The following ATG7 variants were observed in gnomAD, a reference collection of about 807,000 sequenced individuals.
ATG7 encodes the protein ubiquitin-like modifier-activating enzyme ATG7.
A neutral mutation model predicts 82.4 loss-of-function variants in ATG7; 70 were observed. That is an observed-to-expected ratio of 0.85 (90% confidence interval 0.70 to 1.04). The LOEUF is 1.04. ATG7 is among the 50% of genes least tolerant of loss of function. The pLI is 0.00. For synonymous variants in ATG7, 287 were observed against 313.0 expected (o/e 0.92, Z 0.88); for missense variants, 792 against 864.3 (o/e 0.92, Z 1.05).
At chr3:11,381,866 A>G (rs2077927685) in intron 19 of ATG7, among the ~76,000 whole-genome samples, 1 of 152,320 alleles carries the variant, frequency 6.6e-6, no homozygotes, top group East Asian at 1.9e-4. Flanking sequence ...TTACTTGGCT[A>G]CCTTCTTTAT....
downstream of ATG7, chr3:11,557,704 A>G (rs117140049): frequency 6.5e-6 from 1 of 152,940 alleles, no homozygotes; most frequent in East Asian, 1.9e-4. Context: ...TGTCTATATA[A>G]TTAATAGAAA....
chr3:11,518,083 A>G (rs540823185), intron 20 of ATG7, among the ~76,000 whole-genome samples: 2 of 152,272 alleles, frequency 1.3e-5, no homozygotes, highest in East Asian at 3.9e-4. Flanking sequence ...GGGAGAGAGG[A>G]AGGGGACCAA....
intron 20 of ATG7, among the ~76,000 whole-genome samples, chr3:11,457,482 A>C (rs1319461722): frequency 1.3e-5 from 2 of 152,188 alleles, no homozygotes; most frequent in African/African-American, 4.8e-5. Flanking sequence ...TTGATCTTTC[A>C]TGAGCCATTA....
intron 20 of ATG7, among the ~76,000 whole-genome samples, chr3:11,484,836 T>A (rs2089444155): frequency 6.6e-6 from 1 of 152,156 alleles, no homozygotes; most frequent in South Asian, 2.1e-4. Flanking sequence ...GAATGATGAT[T>A]TCCAATTTCA....
At chr3:11,567,689 G>A in the ATG7 span, among the ~76,000 whole-genome samples, 14 of 152,292 alleles carry the variant, frequency 9.2e-5, 1 homozygote, top group South Asian at 2.7e-3. Flanking sequence ...AAGACCTTCC[G>A]CGGAACGGAC....
Position 11,433,289 on chromosome 3 carries a change from T to TAAAA in ATG7, c.2079+6386_2079+6389dup, listed in dbSNP as rs56859088. Among the ~76,000 whole-genome samples the TAAAA allele has an allele frequency of 8.5e-3, 715 of 83,802 alleles. 13 individuals carry two copies. The highest frequency in any genetic ancestry group is 0.012 in the Non-Finnish European group (547 of 43,788). The allele number at this position is 83,802 out of a possible 152,430, so 55.0% of individuals were successfully genotyped here. ...ACAGAGCAAGACCCTGTCTCTTATT[T>TAAAA]AAAAAAAAAAAAAAAAAAAAAAAAA... On this transcript the variant is annotated intron_variant, in intron 20 of 20. Coordinates refer to ENST00000693202, the MANE Select transcript of ATG7 (RefSeq NM_001349232.2).
chr3:11,439,702 AAG>A (rs1483815136), intron 20 of ATG7, among the ~76,000 whole-genome samples: 1 of 152,120 alleles, frequency 6.6e-6, no homozygotes, highest in African/African-American at 2.4e-5. Flanking sequence ...AGCTCCAGGG[AAG>A]AGTTAGGTTT....
intron 20 of ATG7, among the ~76,000 whole-genome samples, chr3:11,515,516 C>T (rs185538780): frequency 6.6e-6 from 1 of 152,110 alleles, no homozygotes; most frequent in Non-Finnish European, 1.5e-5. Flanking sequence ...GTTGGCCAGG[C>T]TGGTCTTGAA....
intron 20 of ATG7, among the ~76,000 whole-genome samples, chr3:11,431,418 C>T (rs895040233): frequency 6.6e-6 from 1 of 152,202 alleles, no homozygotes; most frequent in African/African-American, 2.4e-5. Context: ...AACACACACA[C>T]ACCTTTTTAA....
the ATG7 span, among the ~76,000 whole-genome samples, chr3:11,573,220 AAGAC>A: frequency 0.013 from 1,926 of 143,916 alleles, 73 homozygotes; most frequent in South Asian, 0.021. Flanking sequence ...GAGAGAGAGA[AAGAC>A]AGACAGAAAG....
At chr3:11,276,391 T>G (rs1024720053) in intron 1 of ATG7, among the ~76,000 whole-genome samples, 2 of 152,204 alleles carry the variant, frequency 1.3e-5, no homozygotes, top group Non-Finnish European at 2.9e-5. Context: ...TCTTTTCTGT[T>G]TCATCAACCC....
At chr3:11,369,751 C>T (rs752529817) in intron 18 of ATG7, among the ~76,000 whole-genome samples, 1 of 151,202 alleles carries the variant, frequency 6.6e-6, no homozygotes, top group South Asian at 2.1e-4. Context: ...GATTGCATCT[C>T]TTGTCCCAGG....
chr3:11,557,577 T>TA lies in ATG7; in HGVS notation c.*2735dup, dbSNP rs1183710532. On this transcript the variant is annotated 3_prime_UTR_variant, in exon 21 of 21. Transcript: ENST00000693202. ...CCGCACTACTTGTGAGTAAAGTGAA[T>TA]ATCAAATACCAATCTTAGAGTACAA... The TA allele has an allele frequency of 1.3e-5, 2 of 152,606 alleles. No individual in the cohort carries two copies. The highest frequency in any genetic ancestry group is 6.5e-5 in the Admixed American group (1 of 15,284). The allele number at this position is 152,606 out of a possible 1,614,324, so 9.5% of individuals were successfully genotyped here. A position where few individuals can be genotyped will look rare whatever the true frequency, so the allele number is the denominator to read the frequency against.
intron 19 of ATG7, among the ~76,000 whole-genome samples, chr3:11,388,643 T>C (rs1176119408): frequency 6.6e-6 from 1 of 152,068 alleles, no homozygotes; most frequent in Non-Finnish European, 1.5e-5. Flanking sequence ...TTAGCTAGGA[T>C]GGTCTGGATC....
the ATG7 span, among the ~76,000 whole-genome samples, chr3:11,567,658 C>A: frequency 6.6e-6 from 1 of 152,166 alleles, no homozygotes; most frequent in Non-Finnish European, 1.5e-5. Context: ...GGGTTATGAT[C>A]CCAGACACCG....
chr3:11,315,367 T>C lies in ATG7; in HGVS notation c.552T>C (p.Tyr184=), dbSNP rs760223902. 2 of 1,606,836 alleles carry C rather than the reference T, an allele frequency of 1.2e-6. No homozygotes were observed. Among genetic ancestry groups the C allele is most frequent in the Admixed American group, 1.7e-5 (1 of 58,598 alleles). The change falls in exon 9 of 21, where the codon TAT becomes TAC. Residue 184 remains tyrosine, a synonymous_variant. Coordinates refer to ENST00000693202, the MANE Select transcript of ATG7 (RefSeq NM_001349232.2). ...AGATTGAAGCACTAGAGTGTGCATATGATAATCTTTGTCAAACAGAAGGAG... is the reference window on the plus strand; with the variant it reads ...AGATTGAAGCACTAGAGTGTGCATACGATAATCTTTGTCAAACAGAAGGAG... The part of the protein sequence containing the change: ...LKQIEALECA[Y]DNLCQTEGVT...
chr3:11,330,585 A>G (rs1433480564), intron 9 of ATG7, among the ~76,000 whole-genome samples: 1 of 152,176 alleles, frequency 6.6e-6, no homozygotes, highest in Non-Finnish European at 1.5e-5. Context: ...CCTGAGCCCT[A>G]GAATTAACCA....
intron 20 of ATG7, among the ~76,000 whole-genome samples, chr3:11,497,157 G>A (rs917351426): frequency 6.6e-6 from 1 of 151,300 alleles, no homozygotes; most frequent in African/African-American, 2.4e-5. Flanking sequence ...AGCCCCTAAT[G>A]TCATTTCTGA....
At position 11,342,126 on chromosome 3, in the gene ATG7, C is replaced by A. The variant is rs1480217377; in HGVS notation, c.981-9C>A. On this transcript the variant is annotated splice_polypyrimidine_tract_variant and intron_variant, in intron 12 of 20. Coordinates refer to ENST00000693202, the MANE Select transcript of ATG7 (RefSeq NM_001349232.2). ...GAGTGACTGAATAAGTAAATCTCTC[C>A]TTTTCTAGGTTAGCTGAGTCATCAG... 2 of 1,608,170 alleles carry A rather than the reference C, an allele frequency of 1.2e-6. No individual in the cohort carries two copies. Among genetic ancestry groups the A allele is most frequent in the Non-Finnish European group, 1.7e-6 (2 of 1,178,306 alleles).
Sources: gnomAD v4.1 joint callset for allele counts (sites outside exome capture counted in the v4.1 genomes callset) on GRCh38, gnomAD v4.1.1 for gene constraint, MANE v1.5 for transcripts, NCBI Gene and HGNC (gene_info 2026-07-23, HGNC 2026-07-21) for gene names.